SMAP1: variants seen among roughly 807,000 people sequenced by gnomAD.
SMAP1 encodes small ArfGAP 1.
SMAP1 carries 24 observed loss-of-function variants against 58.5 expected under a neutral mutation model. The observed-to-expected ratio is 0.41, with a 90% CI of 0.30 to 0.58. SMAP1 has a LOEUF of 0.58. SMAP1 is among the 20% of genes least tolerant of loss of function. The pLI, the probability that SMAP1 is intolerant of heterozygous loss-of-function variation, is 0.29. For missense variants in SMAP1, 563 were observed against 566.3 expected (o/e 0.99, Z 0.06); for synonymous variants, 216 against 196.6 (o/e 1.10, Z -0.82).
intron 1 of SMAP1, among the ~76,000 whole-genome samples, chr6:70,699,672 A>T (rs1582023036): frequency 6.6e-6 from 1 of 151,978 alleles, no homozygotes; most frequent in East Asian, 1.9e-4. Context: ...TTTCCTCATG[A>T]CCACCACTGC....
At chr6:70,763,598 A>G (rs1190912381) in intron 3 of SMAP1, among the ~76,000 whole-genome samples, 1 of 152,240 alleles carries the variant, frequency 6.6e-6, no homozygotes, top group Non-Finnish European at 1.5e-5. Context: ...GCATGTGGAA[A>G]GAAAAATAGG....
In SMAP1 at chr6:70,860,272, A is replaced by T; in HGVS notation, c.1342A>T (p.Thr448Ser). Residue 448 changes from threonine (T) to serine (S), a missense_variant, in exon 11 of 11, where the codon ACA becomes TCA. Thr to Ser is a moderately conservative substitution (Grantham distance 58). Around this residue, in one of 3 missense-constraint regions of SMAP1, gnomAD observed 494 missense variants for 473.8 expected, o/e 1.04. Transcript: ENST00000370455. The stretch of plus-strand genomic sequence containing the variant: ...TGCAGGTTTTGGCCAGCCCTCCAGC[A>T]CAACAGCAGGATGGTCTGGAAGCTC... ...PTAGFGQPSS[T>S]TAGWSGSSSG... 6.2e-7 allele frequency: 1 copy of T among 1,613,888 alleles called. No individual in the cohort carries two copies. Among genetic ancestry groups the T allele is most frequent in the Non-Finnish European group, 8.5e-7 (1 of 1,179,876 alleles).
At chr6:70,685,299 T>TA (rs34105008) in intron 1 of SMAP1, among the ~76,000 whole-genome samples, 3 of 151,514 alleles carry the variant, frequency 2.0e-5, no homozygotes, top group Non-Finnish European at 4.4e-5. Context: ...TTTTTTTTTT[T>TA]AACTTTTTAT....
At chr6:70,716,616 T>G (rs1768279384) in intron 1 of SMAP1, among the ~76,000 whole-genome samples, 1 of 152,126 alleles carries the variant, frequency 6.6e-6, no homozygotes, top group Non-Finnish European at 1.5e-5. Context: ...TGTCTTGGAG[T>G]TCACTGATCT....
At chr6:70,704,353 A>G (rs1389389033) in intron 1 of SMAP1, among the ~76,000 whole-genome samples, 1 of 152,192 alleles carries the variant, frequency 6.6e-6, no homozygotes, top group East Asian at 1.9e-4. Context: ...TGATTCTTTG[A>G]AGTCTGAATC....
Position 70,854,494 on chromosome 6 carries a change from C to T in SMAP1, c.789+1830C>T, listed in dbSNP as rs147348990. Among the ~76,000 whole-genome samples, 214 of 151,992 alleles carry T rather than the reference C, an allele frequency of 1.4e-3. 1 individual carries two copies. Among genetic ancestry groups the T allele is most frequent in the South Asian group, 0.011 (55 of 4,800 alleles). On this transcript the variant is annotated intron_variant, in intron 8 of 10. Transcript: ENST00000370455. ...AAAATTAGCTGGGCGTGGTGGCGTG[C>T]GCCTGTAATCCCAGTTACTCGGGAG...
chr6:70,770,109 G>A (rs1767208035), intron 3 of SMAP1, among the ~76,000 whole-genome samples: 1 of 151,782 alleles, frequency 6.6e-6, no homozygotes, highest in South Asian at 2.1e-4. Context: ...AGTTTCTGCC[G>A]AGAGGTCAGC....
intron 6 of SMAP1, among the ~76,000 whole-genome samples, chr6:70,815,390 TG>T (rs1197439396): frequency 6.6e-6 from 1 of 152,196 alleles, no homozygotes; most frequent in Non-Finnish European, 1.5e-5. Flanking sequence ...GCAGTCCTGA[TG>T]GTTGGCCCAT....
intron 1 of SMAP1, among the ~76,000 whole-genome samples, chr6:70,726,720 A>G (rs1162391000): frequency 6.6e-6 from 1 of 152,114 alleles, no homozygotes; most frequent in Middle Eastern, 3.2e-3. Context: ...ATTCCTGTTC[A>G]TTTTTTAGAC....
intron 1 of SMAP1, among the ~76,000 whole-genome samples, chr6:70,732,164 A>G (rs1376835177): frequency 1.3e-5 from 2 of 152,132 alleles, no homozygotes; most frequent in Non-Finnish European, 2.9e-5. Flanking sequence ...GTTTCTAGGA[A>G]AGCAAAATGA....
At chr6:70,732,280 T>C (rs1765461124) in intron 1 of SMAP1, 98 bp from the exon 2 acceptor site, 2 of 1,310,660 alleles carry the variant, frequency 1.5e-6, no homozygotes, top group Non-Finnish European at 2.0e-6. Flanking sequence ...TAAGCTTCCA[T>C]TATAATTATA....
intron 1 of SMAP1, among the ~76,000 whole-genome samples, chr6:70,725,178 G>A (rs1033471576): frequency 6.0e-5 from 8 of 132,722 alleles, no homozygotes; most frequent in Admixed American, 4.6e-4. Flanking sequence ...GTGCAGTGGC[G>A]TGATCTCGGC....
intron 7 of SMAP1, among the ~76,000 whole-genome samples, chr6:70,845,470 A>G (rs970513173): frequency 9.9e-5 from 15 of 152,190 alleles, no homozygotes; most frequent in Non-Finnish European, 2.9e-5. Flanking sequence ...TTTAAATTCT[A>G]TTTTCCTTAA....
intron 6 of SMAP1, among the ~76,000 whole-genome samples, chr6:70,801,972 T>A (rs948004996): frequency 1.3e-5 from 2 of 152,194 alleles, no homozygotes; most frequent in Non-Finnish European, 2.9e-5. Context: ...TTGTTCTTTT[T>A]GCTTAGGATT....
chr6:70,762,668 A>T (rs1441969701), intron 3 of SMAP1, among the ~76,000 whole-genome samples: 2 of 152,110 alleles, frequency 1.3e-5, no homozygotes, highest in Non-Finnish European at 2.9e-5. Flanking sequence ...ATAAAAAGTG[A>T]TCTTATGTTA....
intron 1 of SMAP1, among the ~76,000 whole-genome samples, chr6:70,671,128 A>G (rs1218801254): frequency 6.6e-6 from 1 of 151,968 alleles, no homozygotes; most frequent in East Asian, 1.9e-4. Context: ...GCCAGCTTCA[A>G]GTTTAGTTTT....
At chr6:70,821,315 A>G (rs989776174) in intron 6 of SMAP1, among the ~76,000 whole-genome samples, 6 of 151,328 alleles carry the variant, frequency 4.0e-5, no homozygotes, top group African/African-American at 7.3e-5. Flanking sequence ...ACATTCTTCT[A>G]TTGTCTGTCT....
rs901624193 is a variant in SMAP1 at position 70,859,308 on chromosome 6, A to C, written c.1270-892A>C. On this transcript the variant is annotated intron_variant, in intron 10 of 10. Coordinates refer to ENST00000370455, the MANE Select transcript of SMAP1 (RefSeq NM_001044305.3). ...GTGCTAGATGAACCAGGAAGGAGTTAATACTGGCTCTTACTTCCAGATAAT... is the reference window on the plus strand; with the variant it reads ...GTGCTAGATGAACCAGGAAGGAGTTCATACTGGCTCTTACTTCCAGATAAT... 3 of 1,533,270 alleles carry C rather than the reference A, an allele frequency of 2.0e-6. No individual in the cohort carries two copies. The African/African-American group carries it at 4.1e-5, about 21-fold the overall frequency. 95.0% of individuals were successfully genotyped at this position (1,533,270 alleles called of 1,614,324 possible).
intron 3 of SMAP1, among the ~76,000 whole-genome samples, chr6:70,762,770 C>T (rs1766805722): frequency 6.6e-6 from 1 of 152,066 alleles, no homozygotes; most frequent in Admixed American, 6.6e-5. Context: ...CCAACTTTGG[C>T]TTCTTATAAT....
Sources: gnomAD v4.1 joint callset for allele counts (sites outside exome capture counted in the v4.1 genomes callset) on GRCh38, gnomAD v4.1.1 for gene constraint, gnomAD v4.1.1 regional missense constraint, MANE v1.5 for transcripts, NCBI Gene and HGNC (gene_info 2026-07-23, HGNC 2026-07-21) for gene names.